Variants in CDH4 observed in about 807,000 individuals in gnomAD.
The protein encoded by CDH4 is cadherin-4.
A neutral mutation model predicts 86.0 loss-of-function variants in CDH4; 33 were observed. The ratio of observed to expected loss-of-function variants is 0.38; its 90% CI spans 0.29 to 0.51. The LOEUF (loss-of-function observed/expected upper bound fraction) is 0.51. CDH4 is among the 20% of genes least tolerant of loss of function. The probability of loss-of-function intolerance (pLI) is 0.86; values close to 1 mark genes in which losing one functional copy is unlikely to be tolerated. For missense variants in CDH4, 1,114 were observed against 1,307.4 expected, an observed-to-expected ratio of 0.85 and a Z score of 2.28; for synonymous variants, 555 against 549.4, an observed-to-expected ratio of 1.01 and a Z score of -0.14.
intron 8 of CDH4, among the ~76,000 whole-genome samples, chr20:61,897,654 G>A (rs1202657529): frequency 6.6e-6 from 1 of 152,208 alleles, no homozygotes; most frequent in Non-Finnish European, 1.5e-5. Flanking sequence ...CTCCTCCTGG[G>A]ACTGGGGCAG....
intron 2 of CDH4, among the ~76,000 whole-genome samples, chr20:61,433,898 T>C (rs1046934834): frequency 6.6e-6 from 1 of 152,168 alleles, no homozygotes; most frequent in African/African-American, 2.4e-5. Context: ...CGCTGAGTAG[T>C]TGAGCTGCAA....
At chr20:61,589,922 C>T (rs562679807) in intron 2 of CDH4, among the ~76,000 whole-genome samples, 1 of 151,590 alleles carries the variant, frequency 6.6e-6, no homozygotes, top group Non-Finnish European at 1.5e-5. Context: ...TTAACAGGAG[C>T]GATGGGAATG....
At chr20:61,882,962 T>C (rs181481978) in intron 7 of CDH4, among the ~76,000 whole-genome samples, 1,782 of 152,174 alleles carry the variant, frequency 0.012, 29 homozygotes, top group African/African-American at 0.031. Context: ...CCTCTGCGCA[T>C]CTCCTGCTCT....
intron 3 of CDH4, among the ~76,000 whole-genome samples, chr20:61,749,233 T>C (rs1032317763): frequency 5.9e-5 from 9 of 152,162 alleles, no homozygotes; most frequent in Admixed American, 6.5e-5. Context: ...ATGCCAAAAT[T>C]GATAGAAATA....
intron 4 of CDH4, among the ~76,000 whole-genome samples, chr20:61,800,010 G>C (rs908322546): frequency 6.6e-6 from 1 of 152,076 alleles, no homozygotes; most frequent in African/African-American, 2.4e-5. Flanking sequence ...CGGCTGCAGC[G>C]GCCCTCGGTG....
At chr20:61,720,011 TCTTC>T (rs1440266829) in intron 2 of CDH4, among the ~76,000 whole-genome samples, 13 of 152,102 alleles carry the variant, frequency 8.5e-5, no homozygotes, top group African/African-American at 3.1e-4. Flanking sequence ...TGAGCGGGCG[TCTTC>T]CTTCTTGCAA....
rs1011775984 is a variant in CDH4 at position 61,444,261 on chromosome 20, A to G, written c.169+189324A>G. ...ATTTTGTGTGTGTTCATGTGTATCT[A>G]TGTGTGTGTGTGTATGTGTATGTAT... On this transcript the variant is annotated intron_variant, in intron 2 of 15. Transcript: ENST00000614565. Among the ~76,000 whole-genome samples, 85 of 137,134 alleles carry G rather than the reference A, an allele frequency of 6.2e-4. 1 individual carries two copies. The highest frequency in any genetic ancestry group is 7.1e-4 in the Non-Finnish European group (46 of 64,478). The allele number at this position is 137,134 out of a possible 152,430, so 90.0% of individuals were successfully genotyped here.
At chr20:61,556,392 C>T (rs1245001618) in intron 2 of CDH4, among the ~76,000 whole-genome samples, 1 of 152,108 alleles carries the variant, frequency 6.6e-6, no homozygotes, top group Non-Finnish European at 1.5e-5. Flanking sequence ...ACGGGGATGA[C>T]ACAGTCCTCC....
intron 2 of CDH4, chr20:61,740,643 C>T (rs2088321599): frequency 6.6e-6 from 1 of 152,234 alleles, no homozygotes. Context: ...GGGCCAGCAC[C>T]ATTTGCGTAA....
rs1002012708 is a variant in CDH4, at chr20:61,825,788, G to A, written c.577-18880G>A. On this transcript the variant is annotated intron_variant, in intron 4 of 15. Transcript: ENST00000614565. The stretch of plus-strand genomic sequence containing the variant: ...ATTCTCAAACTTTTCATGTCCAACC[G>A]AACACCTGACTTCCCTCCAACACCA... 3.3e-5 allele frequency among the ~76,000 whole-genome samples: 5 copies of A among 152,152 alleles called. No homozygotes were observed. The East Asian group carries it at 5.8e-4, about 18-fold the overall frequency.
intron 9 of CDH4, 112 bp from the exon 10 acceptor site, chr20:61,923,339 G>C (rs1483010733): frequency 1.1e-5 from 11 of 1,045,010 alleles, no homozygotes; most frequent in Non-Finnish European, 1.5e-5. Context: ...GAGCAGAGAA[G>C]AGCTGGACAT....
chr20:61,356,329 G>A (rs1412780122), intron 2 of CDH4, among the ~76,000 whole-genome samples: 1 of 152,186 alleles, frequency 6.6e-6, no homozygotes, highest in Non-Finnish European at 1.5e-5. Context: ...CAAGCAGCAG[G>A]CCATTCCCCG....
chr20:61,835,363 C>T (rs1406746402), intron 4 of CDH4, among the ~76,000 whole-genome samples: 1 of 152,164 alleles, frequency 6.6e-6, no homozygotes, highest in African/African-American at 2.4e-5. Flanking sequence ...CCGTGCTGGC[C>T]AGTGTTCTTA....
intron 7 of CDH4, among the ~76,000 whole-genome samples, chr20:61,882,530 C>T (rs565767665): frequency 1.3e-5 from 2 of 152,160 alleles, no homozygotes; most frequent in Non-Finnish European, 1.5e-5. Context: ...TGCAAGGCAC[C>T]AGGAGGCCTG....
chr20:61,303,243 G>A (rs2084395326), intron 2 of CDH4, among the ~76,000 whole-genome samples: 1 of 152,210 alleles, frequency 6.6e-6, no homozygotes, highest in Admixed American at 6.5e-5. Context: ...TTGTGAGGAT[G>A]GGCGAGATGG....
At chr20:61,461,595 C>T (rs1347350344) in intron 2 of CDH4, among the ~76,000 whole-genome samples, 1 of 152,060 alleles carries the variant, frequency 6.6e-6, no homozygotes, top group African/African-American at 2.4e-5. Context: ...ACGGGACCCA[C>T]GTGGGAGTGG....
intron 2 of CDH4, among the ~76,000 whole-genome samples, chr20:61,329,510 TATA>T (rs2084559685): frequency 6.6e-6 from 1 of 150,620 alleles, no homozygotes; most frequent in Non-Finnish European, 1.5e-5. Context: ...TTCTGTATTT[TATA>T]ATAAGAGAGG....
intron 8 of CDH4, among the ~76,000 whole-genome samples, chr20:61,909,127 T>G (rs2054822837): frequency 6.6e-6 from 1 of 152,132 alleles, no homozygotes; most frequent in African/African-American, 2.4e-5. Flanking sequence ...TAACAGTGCC[T>G]CATGCCAGGA....
In CDH4 at chr20:61,544,613, G is replaced by A. The variant is rs1183976445; in HGVS notation, c.170-198950G>A. ...CCGTGTGTGATGGGATGTGCCGGGG[G>A]CAGACAGGGCCCACCAGACCCCACG... On this transcript the variant is annotated intron_variant, in intron 2 of 15. Transcript: ENST00000614565. The surrounding 1 kb of genome is among the most constrained non-coding windows in gnomAD (Gnocchi z 6.5). Among the ~76,000 whole-genome samples, 2 of 152,010 alleles carry A rather than the reference G, an allele frequency of 1.3e-5. No homozygotes were observed. Among genetic ancestry groups the A allele is most frequent in the Non-Finnish European group, 2.9e-5 (2 of 68,000 alleles).
Sources: gnomAD v4.1 joint callset for allele counts (sites outside exome capture counted in the v4.1 genomes callset) on GRCh38, gnomAD v4.1.1 for gene constraint, Gnocchi (gnomAD v3.1) non-coding constraint, MANE v1.5 for transcripts, NCBI Gene and HGNC (gene_info 2026-07-23, HGNC 2026-07-21) for gene names.